Variants in APBA2 observed in about 807,000 individuals in gnomAD.
The protein encoded by APBA2 is amyloid-beta A4 precursor protein-binding family A member 2.
In APBA2, 30 loss-of-function variants were observed where a neutral mutation model predicts 75.0. That is an observed-to-expected ratio of 0.40 (90% CI 0.30 to 0.54). The LOEUF is 0.54. Ranked by LOEUF, APBA2 falls within the 20% of genes least tolerant of loss-of-function variation. APBA2 has a pLI of 0.49. For missense variants in APBA2, 801 were observed against 1,016.1 expected, an observed-to-expected ratio of 0.79 and a Z score of 2.88; for synonymous variants, 444 against 409.6, an observed-to-expected ratio of 1.08 and a Z score of -1.01.
chr15:29,094,022 C>A (rs997940399), intron 7 of APBA2, among the ~76,000 whole-genome samples: 1 of 152,214 alleles, frequency 6.6e-6, no homozygotes, highest in Admixed American at 6.5e-5. Flanking sequence ...CCCTTCCTGC[C>A]GGCTGATGGC....
intron 14 of APBA2, 58 bp from the exon 15 acceptor site, chr15:29,117,004 C>CTGA: frequency 6.4e-7 from 1 of 1,558,762 alleles, no homozygotes; most frequent in South Asian, 1.1e-5. Flanking sequence ...TTGCTTTCAC[C>CTGA]TGATTGTGGG....
intron 3 of APBA2, among the ~76,000 whole-genome samples, chr15:29,027,081 T>A (rs146139034): frequency 3.3e-5 from 5 of 152,354 alleles, no homozygotes; most frequent in African/African-American, 1.2e-4. Flanking sequence ...GACGTGTTAG[T>A]TTTTAATGCT....
At chr15:28,893,229 A>G (rs2032251733) in intron 1 of APBA2, among the ~76,000 whole-genome samples, 1 of 152,152 alleles carries the variant, frequency 6.6e-6, no homozygotes, top group South Asian at 2.1e-4. Flanking sequence ...CTCACCAGCC[A>G]CTGAGTTACT....
intron 3 of APBA2, among the ~76,000 whole-genome samples, chr15:29,015,826 C>T (rs1009771751): frequency 6.6e-6 from 1 of 152,072 alleles, no homozygotes; most frequent in African/African-American, 2.4e-5. Flanking sequence ...GAGGCAGGGA[C>T]CCTGGCCACC....
chr15:29,027,984 G>GT (rs34952006), intron 3 of APBA2, among the ~76,000 whole-genome samples: 13,990 of 145,854 alleles, frequency 0.096, 745 homozygotes, highest in East Asian at 0.24. Context: ...CACTCTTTTC[G>GT]TTTTTTTTTT....
intron 2 of APBA2, among the ~76,000 whole-genome samples, chr15:28,976,603 G>A (rs926457481): frequency 5.9e-5 from 9 of 152,194 alleles, no homozygotes; most frequent in African/African-American, 1.9e-4. Flanking sequence ...ATCTGTTAAT[G>A]TGATGAATTA....
At chr15:28,887,503 A>G (rs938145970) in intron 1 of APBA2, among the ~76,000 whole-genome samples, 3 of 152,104 alleles carry the variant, frequency 2.0e-5, no homozygotes, top group African/African-American at 7.2e-5. Flanking sequence ...GAGGTGAGGC[A>G]GGGGTTTCTC....
rs148857997 is a variant in APBA2 at position 28,975,481 on chromosome 15, C to A, written c.-94-20272C>A. On this transcript the variant is annotated intron_variant, in intron 2 of 14. Transcript: ENST00000683413. ...GAAAAAGATAAAATTTTGTCGATAT[C>A]TTTCATCATCTACAAGCATACATTT... is the stretch of plus-strand genomic sequence containing the variant. Among the ~76,000 whole-genome samples, 76 of 152,270 alleles carry A rather than the reference C, an allele frequency of 5.0e-4. No individual in the cohort carries two copies. In the East Asian group the frequency reaches 0.013, roughly 27 times the overall value.
rs775265296 is a variant in APBA2 at position 29,030,480 on chromosome 15, A to AAAT, written c.-40-23347_-40-23345dup. On this transcript the variant is annotated intron_variant, in intron 3 of 14. Transcript: ENST00000683413. Reference sequence around the variant, plus strand: ...CCGTCTCAAAAAAATAAAAATAAATAAATAATAATAATAATAATAAAATAA... The same window carrying AAAT: ...CCGTCTCAAAAAAATAAAAATAAATAAATAATAATAATAATAATAATAAAATAA... Among the ~76,000 whole-genome samples, 569 of 151,518 alleles carry AAAT rather than the reference A, an allele frequency of 3.8e-3. 4 individuals carry two copies. Among genetic ancestry groups the AAAT allele is most frequent in the African/African-American group, 0.013 (535 of 41,382 alleles).
chr15:29,117,437 G>A lies in APBA2; in HGVS notation c.*304G>A. 1 of 469,086 alleles carries A rather than the reference G, an allele frequency of 2.1e-6. No individual in the cohort carries two copies. The highest frequency in any genetic ancestry group is 3.9e-6 in the Non-Finnish European group (1 of 255,340). The allele number at this position is 469,086 out of a possible 1,614,324, so 29.1% of individuals were successfully genotyped here. On this transcript the variant is annotated 3_prime_UTR_variant, in exon 15 of 15. Transcript: ENST00000683413. ...GTGTCTCGGTAGCTGTGCGTGGTGT[G>A]GAGTGTGTGTCTTTCCTCCCTGAAG...
At chr15:28,981,965 T>G (rs554117792) in intron 2 of APBA2, among the ~76,000 whole-genome samples, 9 of 152,250 alleles carry the variant, frequency 5.9e-5, no homozygotes, top group Admixed American at 4.6e-4. Context: ...TAGGTACTCA[T>G]AAAGATGGCA....
chr15:28,995,562 G>A (rs1025448122), intron 2 of APBA2, among the ~76,000 whole-genome samples, 191 bp from the exon 3 acceptor site: 2 of 152,080 alleles, frequency 1.3e-5, no homozygotes, highest in Non-Finnish European at 2.9e-5. Context: ...GCGATGAATG[G>A]CTAAAGAAAC....
chr15:29,021,639 G>A (rs1360820443), intron 3 of APBA2, among the ~76,000 whole-genome samples: 1 of 152,114 alleles, frequency 6.6e-6, no homozygotes, highest in Non-Finnish European at 1.5e-5. Flanking sequence ...CGATGATGAT[G>A]ATTTGTGATG....
At chr15:29,087,781 C>T (rs1015098450) in intron 6 of APBA2, among the ~76,000 whole-genome samples, 1 of 152,202 alleles carries the variant, frequency 6.6e-6, no homozygotes, top group African/African-American at 2.4e-5. Flanking sequence ...GGCAGGCTCT[C>T]CTGCTGATCT....
In APBA2 at chr15:29,054,354, G is replaced by GCCA. The variant is rs1415216015; in HGVS notation, c.471_473dup (p.Ser157_Gln158insHis). 1.2e-6 allele frequency: 2 copies of GCCA among 1,614,110 alleles called. No individual in the cohort carries two copies. Among genetic ancestry groups the GCCA allele is most frequent in the East Asian group, 4.5e-5 (2 of 44,862 alleles). ...CCCCACGGCCACGAGGCTGAAGGCA[G>GCCA]CCAGGACTACCCAGACGGCCAACTG... On this transcript the variant is annotated inframe_insertion, in exon 4 of 15. Transcript: ENST00000683413. The surrounding 1 kb of genome is among the most constrained non-coding windows in gnomAD (Gnocchi z 6.1).
chr15:29,087,270 A>ATTTTT (rs1566990838), intron 6 of APBA2, among the ~76,000 whole-genome samples: 5 of 147,704 alleles, frequency 3.4e-5, no homozygotes, highest in African/African-American at 1.3e-4. Flanking sequence ...TTTTTAAAAA[A>ATTTTT]AATTATTTAT....
Position 28,900,595 on chromosome 15 carries a change from A to AT in APBA2, c.-205+14325dup, listed in dbSNP as rs374860494. 4.5e-3 allele frequency among the ~76,000 whole-genome samples: 688 copies of AT among 152,040 alleles called. 4 individuals carry two copies. Among genetic ancestry groups the AT allele is most frequent in the Middle Eastern group, 0.027 (8 of 294 alleles). On this transcript the variant is annotated intron_variant, in intron 1 of 14. Coordinates refer to ENST00000683413, the MANE Select transcript of APBA2 (RefSeq NM_001353788.2). ...TTTGGTGACATTTGTAAATGTGGTG[A>AT]TTTTTTTTGCTGTGCCCTTTGTTGC...
intron 3 of APBA2, among the ~76,000 whole-genome samples, chr15:29,051,941 G>A (rs1015634004): frequency 6.6e-6 from 1 of 152,072 alleles, no homozygotes; most frequent in African/African-American, 2.4e-5. Flanking sequence ...CCTCTCTACT[G>A]TTTTAGTTTA....
At chr15:29,047,660 T>C (rs1236345551) in intron 3 of APBA2, among the ~76,000 whole-genome samples, 1 of 152,180 alleles carries the variant, frequency 6.6e-6, no homozygotes, top group Non-Finnish European at 1.5e-5. Flanking sequence ...GTGCCATTGT[T>C]AACTCCTCAG....
Sources: allele counts gnomAD v4.1 joint callset (sites outside exome capture counted in the v4.1 genomes callset), GRCh38; gene constraint gnomAD v4.1.1; non-coding constraint Gnocchi (gnomAD v3.1); transcripts MANE v1.5; gene names NCBI Gene and HGNC (gene_info 2026-07-23, HGNC 2026-07-21).